Variants in LRFN5 observed in about 807,000 individuals in gnomAD.
LRFN5 encodes the protein leucine rich repeat and fibronectin type III domain containing 5, also known as leucine-rich repeat and fibronectin type-III domain-containing protein 5.
In LRFN5, 24 loss-of-function variants were observed where a neutral mutation model predicts 45.6. That is an observed-to-expected ratio of 0.53 (90% confidence interval 0.38 to 0.74). The LOEUF (loss-of-function observed/expected upper bound fraction) is 0.74, where lower values mean the gene tolerates loss of function less well. Among genes scored for constraint, LRFN5 ranks in the 30% least tolerant of loss-of-function variants. The pLI is 0.00. For missense variants in LRFN5, 776 were observed against 861.5 expected, an observed-to-expected ratio of 0.90 and a Z score of 1.24; for synonymous variants, 340 against 313.8, an observed-to-expected ratio of 1.08 and a Z score of -0.88.
chr14:41,824,874 A>AG (rs1888240253), intron 2 of LRFN5, among the ~76,000 whole-genome samples: 1 of 152,018 alleles, frequency 6.6e-6, no homozygotes, highest in Non-Finnish European at 1.5e-5. Context: ...GCAAGGGGAG[A>AG]GGGGACTGCA....
At chr14:41,630,986 C>G (rs956211974) in intron 1 of LRFN5, among the ~76,000 whole-genome samples, 4 of 152,138 alleles carry the variant, frequency 2.6e-5, no homozygotes, top group African/African-American at 4.8e-5. Flanking sequence ...TCTGGACTCT[C>G]TTCTTTTAAT....
intron 2 of LRFN5, among the ~76,000 whole-genome samples, chr14:41,820,540 A>G (rs978048746): frequency 6.6e-6 from 1 of 152,082 alleles, no homozygotes; most frequent in Non-Finnish European, 1.5e-5. Flanking sequence ...GAAGTTAGGT[A>G]ACATCATGCC....
At chr14:41,735,367 A>G (rs1884379642) in intron 1 of LRFN5, among the ~76,000 whole-genome samples, 2 of 152,084 alleles carry the variant, frequency 1.3e-5, no homozygotes, top group Admixed American at 1.3e-4. Flanking sequence ...TCCTGGGCTC[A>G]AGCAATCTCC....
chr14:41,899,718 G>A (rs1323692784), intron 5 of LRFN5, among the ~76,000 whole-genome samples: 1 of 152,038 alleles, frequency 6.6e-6, no homozygotes, highest in Non-Finnish European at 1.5e-5. Flanking sequence ...AGTAAAAATA[G>A]GGTCTTGGTT....
chr14:41,789,798 A>G (rs1245200409), intron 2 of LRFN5, among the ~76,000 whole-genome samples: 2 of 151,988 alleles, frequency 1.3e-5, no homozygotes, highest in Non-Finnish European at 2.9e-5. Context: ...ATGTTTAACT[A>G]GCTTTGCATT....
chr14:41,857,472 T>C (rs1889510396), intron 2 of LRFN5, among the ~76,000 whole-genome samples: 1 of 152,198 alleles, frequency 6.6e-6, no homozygotes, highest in South Asian at 2.1e-4. Context: ...CTATAGTATA[T>C]ATGCTACTTA....
Position 41,629,573 on chromosome 14 carries a change from T to G in LRFN5, c.-197+21011T>G, listed in dbSNP as rs559061907. Among the ~76,000 whole-genome samples, 3 of 152,352 alleles carry G rather than the reference T, an allele frequency of 2.0e-5. No homozygotes were observed. In the South Asian group the frequency reaches 6.2e-4, roughly 32 times the overall value. ...AAATATTGTTCAAGGATAACTAAAT[T>G]GTTTGTAGTTCTCTAAACGCAGTAA... On this transcript the variant is annotated intron_variant, in intron 1 of 5. Coordinates refer to ENST00000298119, the MANE Select transcript of LRFN5 (RefSeq NM_152447.5).
intron 1 of LRFN5, among the ~76,000 whole-genome samples, chr14:41,639,853 G>C (rs910199584): frequency 2.0e-5 from 3 of 150,802 alleles, no homozygotes; most frequent in African/African-American, 7.3e-5. Flanking sequence ...TGCAATCATA[G>C]TTCAATGCAG....
intron 1 of LRFN5, among the ~76,000 whole-genome samples, chr14:41,734,316 T>TTATTTATA (rs1441190358): frequency 5.2e-5 from 2 of 38,768 alleles, no homozygotes; most frequent in African/African-American, 1.1e-4. Context: ...TGGACTGGTT[T>TTATTTATA]TATATATATA....
intron 2 of LRFN5, among the ~76,000 whole-genome samples, chr14:41,777,561 A>C (rs1042855504): frequency 1.8e-4 from 27 of 151,712 alleles, no homozygotes; most frequent in Non-Finnish European, 5.9e-5. Flanking sequence ...TTCCGATTAC[A>C]TGTTTGTAGT....
At chr14:41,852,594 A>G (rs781097893) in intron 2 of LRFN5, among the ~76,000 whole-genome samples, 6 of 151,798 alleles carry the variant, frequency 4.0e-5, no homozygotes, top group Non-Finnish European at 7.4e-5. Context: ...CTTTTTTGAC[A>G]TAGCTTTTTT....
At chr14:41,814,144 G>T (rs1156302073) in intron 2 of LRFN5, among the ~76,000 whole-genome samples, 2 of 152,070 alleles carry the variant, frequency 1.3e-5, no homozygotes, top group Non-Finnish European at 2.9e-5. Flanking sequence ...TTCTTTTGCT[G>T]TGCAGAAGCT....
chr14:41,623,384 C>T (rs1414026222), intron 1 of LRFN5, among the ~76,000 whole-genome samples: 1 of 152,038 alleles, frequency 6.6e-6, no homozygotes, highest in Non-Finnish European at 1.5e-5. Flanking sequence ...AACTGTAAGT[C>T]AACTAAACCT....
chr14:41,893,482 A>G, intron 4 of LRFN5: 1 of 984,540 alleles, frequency 1.0e-6, no homozygotes, highest in Non-Finnish European at 1.2e-6. Context: ...ATCATAAGAT[A>G]GGTACTTTAC....
At chr14:41,638,870 C>T (rs554622443) in intron 1 of LRFN5, among the ~76,000 whole-genome samples, 8 of 151,990 alleles carry the variant, frequency 5.3e-5, no homozygotes, top group South Asian at 2.1e-4. Flanking sequence ...TCTAGAAATA[C>T]AGCATCAGTG....
intron 1 of LRFN5, among the ~76,000 whole-genome samples, chr14:41,755,396 G>C (rs1170047176): frequency 6.6e-6 from 1 of 152,188 alleles, no homozygotes. Flanking sequence ...TTGTGTGGGA[G>C]TCTAAGTCTC....
intron 1 of LRFN5, among the ~76,000 whole-genome samples, chr14:41,621,887 C>G (rs1359179176): frequency 2.6e-5 from 4 of 152,016 alleles, no homozygotes; most frequent in Non-Finnish European, 4.4e-5. Context: ...TATAGCAACA[C>G]CATGTCCAAA....
chr14:41,871,514 G>A (rs549717597), intron 2 of LRFN5, among the ~76,000 whole-genome samples: 23 of 151,856 alleles, frequency 1.5e-4, no homozygotes, highest in Middle Eastern at 6.3e-3. Flanking sequence ...TCTTGAACCC[G>A]GGAGGCGGAG....
chr14:41,858,547 C>T (rs1889553375), intron 2 of LRFN5, among the ~76,000 whole-genome samples: 1 of 151,710 alleles, frequency 6.6e-6, no homozygotes, highest in Non-Finnish European at 1.5e-5. Flanking sequence ...TGGGACTTTT[C>T]CTCAGCCTTG....
Sources: gnomAD v4.1 joint callset for allele counts (sites outside exome capture counted in the v4.1 genomes callset) on GRCh38, gnomAD v4.1.1 for gene constraint, MANE v1.5 for transcripts, NCBI Gene and HGNC (gene_info 2026-07-23, HGNC 2026-07-21) for gene names.